Variants in YTHDF3 observed in about 807,000 individuals in gnomAD.
YTHDF3 encodes YTH domain-containing family protein 3.
In YTHDF3, 9 loss-of-function variants were observed where a neutral mutation model predicts 52.5. The ratio of observed to expected loss-of-function variants is 0.17; its 90% CI spans 0.10 to 0.30. The LOEUF is 0.30. Among genes scored for constraint, YTHDF3 ranks in the 10% least tolerant of loss-of-function variants. YTHDF3 has a pLI of 1.00. For missense variants in YTHDF3, 534 were observed against 715.0 expected, an observed-to-expected ratio of 0.75 and a Z score of 2.89; for synonymous variants, 274 against 243.3, an observed-to-expected ratio of 1.13 and a Z score of -1.18.
intron 4 of YTHDF3, among the ~76,000 whole-genome samples, chr8:63,203,081 A>C (rs1809748466): frequency 6.6e-6 from 1 of 152,002 alleles, no homozygotes; most frequent in South Asian, 2.1e-4. Context: ...ATCTCTGCTA[A>C]AAATACAAAA....
chr8:63,169,476 G>A (rs539082931), intron 2 of YTHDF3, 65 bp downstream of exon 2: 60 of 1,510,654 alleles, frequency 4.0e-5, no homozygotes, highest in Non-Finnish European at 5.2e-5. Context: ...TAAACTCTGT[G>A]AGGGTATTTT....
intron 4 of YTHDF3, among the ~76,000 whole-genome samples, chr8:63,203,034 G>T (rs986134925): frequency 4.6e-5 from 7 of 152,046 alleles, no homozygotes; most frequent in Non-Finnish European, 7.4e-5. Flanking sequence ...CTGAGGTCAG[G>T]AGTTTGGGAC....
intron 4 of YTHDF3, among the ~76,000 whole-genome samples, chr8:63,196,252 C>G (rs979815246): frequency 6.9e-6 from 1 of 145,866 alleles, no homozygotes; most frequent in Non-Finnish European, 1.5e-5. Flanking sequence ...AGAAGTCTGT[C>G]TCTTAAAAAA....
rs1311012018 is a variant in YTHDF3 at position 63,198,609 on chromosome 8, AT to A, written c.1734+10872del. Reference sequence around the variant, plus strand: ...AGATTTAAGTTTTAGTGCCTGATACATTTTTTTTCATATTTGGAATAACTTT... The same window carrying A: ...AGATTTAAGTTTTAGTGCCTGATACATTTTTTTCATATTTGGAATAACTTT... On this transcript the variant is annotated intron_variant, in intron 4 of 4. Transcript: ENST00000539294. Among the ~76,000 whole-genome samples the A allele has an allele frequency of 5.9e-5, 9 of 151,700 alleles. No homozygotes were observed. The East Asian group carries it at 1.7e-3, about 29-fold the overall frequency.
chr8:63,190,254 C>A (rs144055639), intron 4 of YTHDF3, among the ~76,000 whole-genome samples: 1 of 151,336 alleles, frequency 6.6e-6, no homozygotes, highest in Non-Finnish European at 1.5e-5. Flanking sequence ...CAAGGAAATA[C>A]CAACTTTTCT....
intron 4 of YTHDF3, among the ~76,000 whole-genome samples, chr8:63,197,543 A>G (rs1809318448): frequency 6.6e-6 from 1 of 152,182 alleles, no homozygotes; most frequent in Admixed American, 6.6e-5. Context: ...CGGTACCTTA[A>G]GCATATTGTT....
chr8:63,183,157 C>G (rs925643108), intron 3 of YTHDF3, among the ~76,000 whole-genome samples: 23 of 151,998 alleles, frequency 1.5e-4, no homozygotes, highest in African/African-American at 5.3e-4. Flanking sequence ...GATGGGGTTT[C>G]ACCATTTTGG....
intron 2 of YTHDF3, chr8:63,172,759 ACT>A (rs1807414650): frequency 8.1e-7 from 1 of 1,231,348 alleles, no homozygotes; most frequent in Non-Finnish European, 1.0e-6. Context: ...TCTTGATTTG[ACT>A]CTGTTTCATA....
chr8:63,194,273 C>A (rs1213023367), intron 4 of YTHDF3, among the ~76,000 whole-genome samples: 2 of 152,124 alleles, frequency 1.3e-5, no homozygotes, highest in Non-Finnish European at 2.9e-5. Context: ...CACCTGAGAT[C>A]AGGAGTTTGA....
intron 3 of YTHDF3, among the ~76,000 whole-genome samples, chr8:63,185,906 ACT>A (rs1808467774): frequency 6.6e-6 from 1 of 151,958 alleles, no homozygotes. Context: ...TTATACCCCC[ACT>A]CTCATCCCTG....
At chr8:63,208,808 AATTATGTTATAAG>A (rs1363120094) in intron 4 of YTHDF3, among the ~76,000 whole-genome samples, 7 of 152,140 alleles carry the variant, frequency 4.6e-5, no homozygotes, top group Admixed American at 3.3e-4. Flanking sequence ...TTTTTCTCCC[AATTATGTTATAAG>A]CCAGCATTCG....
At chr8:63,204,183 A>G (rs1406504585) in intron 4 of YTHDF3, among the ~76,000 whole-genome samples, 2 of 147,560 alleles carry the variant, frequency 1.4e-5, no homozygotes, top group Non-Finnish European at 3.0e-5. Context: ...CTATCCTCTC[A>G]TTTTTTTTTC....
At chr8:63,192,293 AT>A (rs1261940220) in intron 4 of YTHDF3, among the ~76,000 whole-genome samples, 1 of 152,050 alleles carries the variant, frequency 6.6e-6, no homozygotes. Context: ...GAGTTCAGTT[AT>A]TTGTCTCAGA....
Position 63,168,622 on chromosome 8 carries a change from A to G in YTHDF3, c.-256A>G. ...GTCAGGGAGGCTCGGAGCGGAAGTG[A>G]GACTAGGGAGTCTGTCCGCCATTGT... On this transcript the variant is annotated 5_prime_UTR_variant, in exon 1 of 5. Transcript: ENST00000539294. The G allele has an allele frequency of 3.2e-6, 2 of 630,468 alleles. No individual in the cohort carries two copies. The highest frequency in any genetic ancestry group is 5.9e-5 in the East Asian group (2 of 33,852). 39.1% of individuals were successfully genotyped at this position (630,468 alleles called of 1,614,324 possible). A position where few individuals can be genotyped will look rare whatever the true frequency, so the allele number is the denominator to read the frequency against.
At position 63,211,048 on chromosome 8, in the gene YTHDF3, C is replaced by A. The variant is rs1810344421; in HGVS notation, c.*1342C>A. 6.6e-6 allele frequency: 1 copy of A among 152,372 alleles called. No homozygotes were observed. Among genetic ancestry groups the A allele is most frequent in the African/African-American group, 2.4e-5 (1 of 41,376 alleles). The allele number at this position is 152,372 out of a possible 1,614,324, so 9.4% of individuals were successfully genotyped here. A position where few individuals can be genotyped will look rare whatever the true frequency, so the allele number is the denominator to read the frequency against. On this transcript the variant is annotated 3_prime_UTR_variant, in exon 5 of 5. Coordinates refer to ENST00000539294, the MANE Select transcript of YTHDF3 (RefSeq NM_152758.6). The stretch of plus-strand genomic sequence containing the variant: ...ATAGCAATACAGTAGATTTGAATAC[C>A]TTGATGTTTTGCATTACTTCATTTA...
In YTHDF3 at chr8:63,209,760, A is replaced by G. The variant is rs370659476; in HGVS notation, c.*54A>G. On this transcript the variant is annotated 3_prime_UTR_variant, in exon 5 of 5. Transcript: ENST00000539294. ...AACACTAACGATGTAGACTCTGGAAATGCCTAATAAGTCAAAGAAGACGTA... is the reference window on the plus strand; with the variant it reads ...AACACTAACGATGTAGACTCTGGAAGTGCCTAATAAGTCAAAGAAGACGTA... 6.6e-7 allele frequency: 1 copy of G among 1,512,752 alleles called. No individual in the cohort carries two copies. Among genetic ancestry groups the G allele is most frequent in the African/African-American group, 1.4e-5 (1 of 70,946 alleles). 93.7% of individuals were successfully genotyped at this position (1,512,752 alleles called of 1,614,324 possible).
chr8:63,200,624 T>A (rs539484276), intron 4 of YTHDF3, among the ~76,000 whole-genome samples: 4 of 152,242 alleles, frequency 2.6e-5, no homozygotes, highest in African/African-American at 9.6e-5. Context: ...GTGGACCATA[T>A]GGTTATATCA....
At chr8:63,173,335 C>T (rs1213300797) in intron 2 of YTHDF3, among the ~76,000 whole-genome samples, 1 of 150,842 alleles carries the variant, frequency 6.6e-6, no homozygotes, top group Non-Finnish European at 1.5e-5. Context: ...CCTGGAATGC[C>T]TTGGCTCAAG....
chr8:63,173,576 T>G, intron 2 of YTHDF3: 1 of 782,210 alleles, frequency 1.3e-6, no homozygotes, highest in Non-Finnish European at 1.6e-6. Flanking sequence ...AAATACTGAC[T>G]AACATGTATG....
Sources: gnomAD v4.1 joint callset for allele counts (sites outside exome capture counted in the v4.1 genomes callset) on GRCh38, gnomAD v4.1.1 for gene constraint, MANE v1.5 for transcripts, NCBI Gene and HGNC (gene_info 2026-07-23, HGNC 2026-07-21) for gene names.